Variants in MYH15 observed in about 807,000 individuals in gnomAD.
The protein encoded by MYH15 is myosin heavy chain 15, also known as myosin-15.
A neutral mutation model predicts 240.5 loss-of-function variants in MYH15; 227 were observed. The ratio of observed to expected loss-of-function variants is 0.94; its 90% confidence interval spans 0.85 to 1.05. The LOEUF (loss-of-function observed/expected upper bound fraction) is 1.05, where lower values mean the gene tolerates loss of function less well. Among genes scored for constraint, MYH15 ranks in the 50% least tolerant of loss-of-function variants. The pLI is 0.00. For missense variants in MYH15, 2,217 were observed against 2,247.5 expected (o/e 0.99, Z 0.27); for synonymous variants, 785 against 796.7 (o/e 0.99, Z 0.25).
At chr3:108,551,014 C>G in the MYH15 span, 1 of 399,052 alleles carries the variant, frequency 2.5e-6, no homozygotes, top group African/African-American at 2.1e-5. Flanking sequence ...TGCAACAGAT[C>G]AGGGTCTTTA....
chr3:108,454,335 C>T (rs531168600), intron 20 of MYH15, among the ~76,000 whole-genome samples, 193 bp from the exon 21 acceptor site: 3 of 148,872 alleles, frequency 2.0e-5, no homozygotes, highest in Non-Finnish European at 4.5e-5. Flanking sequence ...AAAAAAAAAA[C>T]GTTATTAAAT....
At chr3:108,537,314 T>C in the MYH15 span, among the ~76,000 whole-genome samples, 1 of 152,186 alleles carries the variant, frequency 6.6e-6, no homozygotes, top group East Asian at 1.9e-4. Context: ...TCATGGGTGA[T>C]GTCTATTCCT....
chr3:108,548,952 T>TC, the MYH15 span, among the ~76,000 whole-genome samples: 1 of 152,034 alleles, frequency 6.6e-6, no homozygotes, highest in African/African-American at 2.4e-5. Context: ...ACAGTTTCAT[T>TC]CTTTTTTTCC....
intron 5 of MYH15, among the ~76,000 whole-genome samples, chr3:108,498,349 A>T (rs1486244863): frequency 6.6e-6 from 1 of 152,238 alleles, no homozygotes; most frequent in Non-Finnish European, 1.5e-5. Context: ...CAGCATGAGC[A>T]AAAATCTGGA....
intron 9 of MYH15, among the ~76,000 whole-genome samples, chr3:108,488,738 T>C (rs2603135): frequency 0.32 from 49,396 of 152,106 alleles, 8,633 homozygotes; most frequent in Non-Finnish European, 0.39. Context: ...CAATGCTGCA[T>C]TGAACATGGA....
intron 11 of MYH15, among the ~76,000 whole-genome samples, chr3:108,480,489 C>A (rs932101117): frequency 5.3e-5 from 8 of 152,076 alleles, no homozygotes; most frequent in Non-Finnish European, 1.2e-4. Context: ...GAGCTGTAAG[C>A]AGAGAAATGA....
Position 108,437,667 on chromosome 3 carries a change from C to T in MYH15, c.3108G>A (p.Ala1036=), listed in dbSNP as rs202209710. The change falls in exon 25 of 41, where the codon GCG becomes GCA. Residue 1036 remains alanine (A), a synonymous_variant. Transcript: ENST00000693548. ...LEGALEQERK[A]RMNCERELHK... ...GCAGTTCCCTTTCACAGTTCATTCT[C>T]GCTTTTCTCTCCTGCTCAAGGGCAC... The T allele has an allele frequency of 6.8e-6, 11 of 1,613,798 alleles. No homozygotes were observed. In the African/African-American group the frequency reaches 1.2e-4, roughly 18 times the overall value.
At chr3:108,426,835 G>C (rs1273285413) in intron 27 of MYH15, among the ~76,000 whole-genome samples, 2 of 152,176 alleles carry the variant, frequency 1.3e-5, no homozygotes, top group Non-Finnish European at 2.9e-5. Context: ...TGCTACATGG[G>C]GCCCTGGGGA....
chr3:108,483,786 T>C (rs1431680824), intron 11 of MYH15, among the ~76,000 whole-genome samples: 2 of 152,222 alleles, frequency 1.3e-5, no homozygotes, highest in East Asian at 3.8e-4. Flanking sequence ...TGATACATGC[T>C]ACAACATGGA....
the MYH15 span, among the ~76,000 whole-genome samples, chr3:108,544,452 C>G: frequency 3.3e-5 from 5 of 152,118 alleles, no homozygotes; most frequent in South Asian, 1.0e-3. Flanking sequence ...TCATATCCAC[C>G]CAGGCAACAT....
chr3:108,531,813 TA>T (rs2083712786), upstream of MYH15, among the ~76,000 whole-genome samples: 1 of 151,246 alleles, frequency 6.6e-6, no homozygotes. Context: ...AATACATAAA[TA>T]AAATAAAAAT....
At chr3:108,432,209 C>G (rs2082784668) in intron 25 of MYH15, among the ~76,000 whole-genome samples, 1 of 152,138 alleles carries the variant, frequency 6.6e-6, no homozygotes, top group African/African-American at 2.4e-5. Context: ...CAGGCTCATG[C>G]TGCCCTGCCC....
At chr3:108,392,758 T>C (rs2082430801) in intron 36 of MYH15, among the ~76,000 whole-genome samples, 1 of 152,196 alleles carries the variant, frequency 6.6e-6, no homozygotes, top group Non-Finnish European at 1.5e-5. Flanking sequence ...GTCAAGAAAA[T>C]CTTATCAAGG....
At chr3:108,473,646 A>C (rs914156115) in intron 12 of MYH15, among the ~76,000 whole-genome samples, 1 of 152,240 alleles carries the variant, frequency 6.6e-6, no homozygotes, top group African/African-American at 2.4e-5. Flanking sequence ...CATACAAAGC[A>C]CTTAGTACAT....
chr3:108,502,505 T>C (rs1357159735), intron 2 of MYH15, among the ~76,000 whole-genome samples: 1 of 152,218 alleles, frequency 6.6e-6, no homozygotes, highest in African/African-American at 2.4e-5. Context: ...CATGTTCATT[T>C]TTGATGTTGT....
chr3:108,405,431 C>T lies in MYH15; in HGVS notation c.4643G>A (p.Ser1548Asn), dbSNP rs1402675031. Residue 1548 changes from serine (S) to asparagine (N), a missense_variant, in exon 33 of 41, where the codon AGC becomes AAC. Transcript: ENST00000693548. ...ETEGALERNE[S>N]KILHFQLELL... The stretch of plus-strand genomic sequence containing the variant: ...TTCAAGCTGGAAATGAAGAATCTTG[C>T]TTTCATTACGTTCCAGGGCTCCCTG... The T allele has an allele frequency of 6.6e-7, 1 of 1,523,830 alleles. No homozygotes were observed. The highest frequency in any genetic ancestry group is 1.3e-5 in the South Asian group (1 of 76,474). 94.4% of individuals were successfully genotyped at this position (1,523,830 alleles called of 1,614,324 possible). A position where few individuals can be genotyped will look rare whatever the true frequency, so the allele number is the denominator to read the frequency against.
intron 27 of MYH15, 102 bp downstream of exon 27, chr3:108,428,390 G>A (rs904281016): frequency 5.1e-5 from 68 of 1,334,174 alleles, no homozygotes; most frequent in Non-Finnish European, 6.5e-5. Flanking sequence ...AAAATACACT[G>A]AGTCACTAAG....
chr3:108,422,134 A>G (rs533910357), intron 27 of MYH15, among the ~76,000 whole-genome samples: 8 of 152,274 alleles, frequency 5.3e-5, no homozygotes, highest in African/African-American at 1.7e-4. Flanking sequence ...AAACAGTAAA[A>G]TTACATTGGT....
chr3:108,443,383 G>A (rs765286941), intron 22 of MYH15, among the ~76,000 whole-genome samples: 1 of 128,458 alleles, frequency 7.8e-6, no homozygotes, highest in Non-Finnish European at 1.6e-5. Flanking sequence ...AATAACTTGT[G>A]TCAGTCTGAA....
Sources: allele counts gnomAD v4.1 joint callset (sites outside exome capture counted in the v4.1 genomes callset), GRCh38; gene constraint gnomAD v4.1.1; transcripts MANE v1.5; gene names NCBI Gene and HGNC (gene_info 2026-07-23, HGNC 2026-07-21).